RORA: variants seen among roughly 807,000 people sequenced by gnomAD.
The protein encoded by RORA is RAR related orphan receptor A.
Under a neutral mutation model 69.5 loss-of-function variants are expected in RORA, and 7 were observed. The observed-to-expected ratio is 0.10, with a 90% CI of 0.06 to 0.19. RORA has a LOEUF of 0.19. Ranked by LOEUF, RORA falls within the 10% of genes least tolerant of loss-of-function variation. The pLI, the probability that RORA is intolerant of heterozygous loss-of-function variation, is 1.00. For synonymous variants in RORA, 261 were observed against 240.8 expected, an observed-to-expected ratio of 1.08 and a Z score of -0.78; for missense variants, 457 against 663.0, an observed-to-expected ratio of 0.69 and a Z score of 3.41.
chr15:60,563,860 G>T (rs1463465370), intron 2 of RORA, among the ~76,000 whole-genome samples: 2 of 151,998 alleles, frequency 1.3e-5, no homozygotes, highest in Non-Finnish European at 2.9e-5. Context: ...GGTAGCGATG[G>T]CCTACATATT....
At chr15:60,770,766 G>T (rs899623147) in intron 1 of RORA, among the ~76,000 whole-genome samples, 1 of 152,146 alleles carries the variant, frequency 6.6e-6, no homozygotes, top group South Asian at 2.1e-4. Context: ...GAGACTACGT[G>T]AATGCTTCAC....
rs1311305574 is a variant in RORA at position 61,213,467 on chromosome 15, C to CT, written c.166+15585dup. Among the ~76,000 whole-genome samples the CT allele has an allele frequency of 6.6e-6, 1 of 152,184 alleles. No homozygotes were observed. Among genetic ancestry groups the CT allele is most frequent in the Non-Finnish European group, 1.5e-5 (1 of 68,040 alleles). ...AAATGCTTAGGCTCGCCCCTGCCTA[C>CT]TTTCTCCAACCTTATCTCCTACTCC... On this transcript the variant is annotated intron_variant, in intron 1 of 10. Coordinates refer to ENST00000335670, the MANE Select transcript of RORA (RefSeq NM_134261.3). This position sits in a 1 kb window ranked among gnomAD's most constrained non-coding sequence, Gnocchi z 4.1.
rs200743059 is a variant in RORA, at chr15:60,497,311, T to G, written c.*144A>C. 1.6e-6 allele frequency: 1 copy of G among 623,774 alleles called. No homozygotes were observed. The highest frequency in any genetic ancestry group is 1.8e-5 in the African/African-American group (1 of 54,140). The allele number at this position is 623,774 out of a possible 1,614,324, so 38.6% of individuals were successfully genotyped here. A position where few individuals can be genotyped will look rare whatever the true frequency, so the allele number is the denominator to read the frequency against. On this transcript the variant is annotated 3_prime_UTR_variant, in exon 11 of 11. Transcript: ENST00000335670. ...TATTTGTTTTCATTGTTTCCCCTCCTTTGCCTGACCCCGATCACCAAAAGA... is the reference window on the plus strand; with the variant it reads ...TATTTGTTTTCATTGTTTCCCCTCCGTTGCCTGACCCCGATCACCAAAAGA...
At position 61,128,957 on chromosome 15, in the gene RORA, G is replaced by T. The variant is rs1267830440; in HGVS notation, c.166+100096C>A. On this transcript the variant is annotated intron_variant, in intron 1 of 10. Coordinates refer to ENST00000335670, the MANE Select transcript of RORA (RefSeq NM_134261.3). The surrounding 1 kb of genome is among the most constrained non-coding windows in gnomAD (Gnocchi z 4.5). Reference sequence around the variant, plus strand: ...CTTGGGCCCACTCCCTTCTACGAGTGCCCTTAACCCTTTACAAAATAATAA... The same window carrying T: ...CTTGGGCCCACTCCCTTCTACGAGTTCCCTTAACCCTTTACAAAATAATAA... 6.6e-6 allele frequency among the ~76,000 whole-genome samples: 1 copy of T among 152,206 alleles called. No individual in the cohort carries two copies. Among genetic ancestry groups the T allele is most frequent in the Non-Finnish European group, 1.5e-5 (1 of 68,036 alleles).
rs574586990 is a variant in RORA at position 60,915,395 on chromosome 15, G to T, written c.167-236709C>A. On this transcript the variant is annotated intron_variant, in intron 1 of 10. Coordinates refer to ENST00000335670, the MANE Select transcript of RORA (RefSeq NM_134261.3). ...CAGGCAGCACTGATTCCACTGGGGGGGCACAGGCCCCAGTGCAGAGGAGGG... is the reference window on the plus strand; with the variant it reads ...CAGGCAGCACTGATTCCACTGGGGGTGCACAGGCCCCAGTGCAGAGGAGGG... 1.1e-4 allele frequency among the ~76,000 whole-genome samples: 16 copies of T among 152,340 alleles called. 1 individual carries two copies. Among genetic ancestry groups the T allele is most frequent in the African/African-American group, 3.6e-4 (15 of 41,580 alleles).
At chr15:60,685,326 G>A (rs1188709862) in intron 1 of RORA, among the ~76,000 whole-genome samples, 2 of 152,228 alleles carry the variant, frequency 1.3e-5, no homozygotes, top group Non-Finnish European at 2.9e-5. Context: ...TCCTCATTGT[G>A]AGGCGCTAGC....
chr15:61,151,986 C>G (rs986111923), intron 1 of RORA, among the ~76,000 whole-genome samples: 9 of 152,136 alleles, frequency 5.9e-5, no homozygotes, highest in African/African-American at 1.9e-4. Context: ...ATCGTTGTTC[C>G]CCTTTCTCCA....
chr15:61,019,639 C>T (rs1895434882), intron 1 of RORA, among the ~76,000 whole-genome samples: 1 of 152,110 alleles, frequency 6.6e-6, no homozygotes, highest in Non-Finnish European at 1.5e-5. Context: ...CCACTCTCAC[C>T]TTTTCCAGCA....
intron 1 of RORA, among the ~76,000 whole-genome samples, chr15:61,118,500 C>T (rs2079070219): frequency 1.3e-5 from 2 of 152,184 alleles, no homozygotes; most frequent in African/African-American, 2.4e-5. Context: ...CAGATTTTCT[C>T]ACTCTTATTT....
At chr15:60,580,513 A>C (rs75683395) in intron 2 of RORA, among the ~76,000 whole-genome samples, 2,303 of 152,296 alleles carry the variant, frequency 0.015, 65 homozygotes, top group African/African-American at 0.051. Flanking sequence ...AGTTGCCCAC[A>C]CTGGTATAGA....
chr15:60,941,202 T>C (rs116590294), intron 1 of RORA, among the ~76,000 whole-genome samples: 1,534 of 152,348 alleles, frequency 0.01, 35 homozygotes, highest in African/African-American at 0.036. Context: ...GCCTTGTCAG[T>C]TGCAGTTCAA....
At position 61,038,203 on chromosome 15, in the gene RORA, T is replaced by C. The variant is rs545409544; in HGVS notation, c.166+190850A>G. Among the ~76,000 whole-genome samples, 11 of 152,352 alleles carry C rather than the reference T, an allele frequency of 7.2e-5. No individual in the cohort carries two copies. The South Asian group carries it at 2.3e-3, about 32-fold the overall frequency. On this transcript the variant is annotated intron_variant, in intron 1 of 10. Transcript: ENST00000335670. ...GAATGGCAAGTTATCGAACGTATTA[T>C]GAACTAGTTAGCCAAAGCGCAAGTC...
chr15:60,516,978 A>G (rs1184278873), intron 3 of RORA, among the ~76,000 whole-genome samples: 1 of 152,326 alleles, frequency 6.6e-6, no homozygotes, highest in East Asian at 1.9e-4. Context: ...AACATAGTAT[A>G]ATCCAAGTTT....
intron 1 of RORA, among the ~76,000 whole-genome samples, chr15:60,876,247 A>C (rs1313126927): frequency 6.7e-6 from 1 of 150,022 alleles, no homozygotes; most frequent in Admixed American, 6.7e-5. Flanking sequence ...TCCCCCAACC[A>C]AAAAATGTGT....
At chr15:61,200,751 T>C (rs12594566) in intron 1 of RORA, among the ~76,000 whole-genome samples, 19,867 of 152,158 alleles carry the variant, frequency 0.13, 1,636 homozygotes, top group Admixed American at 0.19. Context: ...TTGTTGCACT[T>C]AATTGAGTGA....
intron 1 of RORA, among the ~76,000 whole-genome samples, chr15:60,869,216 T>C (rs2073525215): frequency 6.6e-6 from 1 of 152,206 alleles, no homozygotes; most frequent in Admixed American, 6.5e-5. Context: ...GACCTTTGTG[T>C]AAGGAGTTGT....
chr15:60,975,196 C>T (rs1430548850), intron 1 of RORA, among the ~76,000 whole-genome samples: 1 of 152,156 alleles, frequency 6.6e-6, no homozygotes, highest in Non-Finnish European at 1.5e-5. Context: ...GCTGCTGCAC[C>T]TAGCAGGGCT....
chr15:60,902,895 C>T (rs764782896), intron 1 of RORA, among the ~76,000 whole-genome samples: 1 of 152,206 alleles, frequency 6.6e-6, no homozygotes, highest in East Asian at 1.9e-4. Flanking sequence ...TAGGGGCGTA[C>T]TCCGCTGAAA....
intron 1 of RORA, among the ~76,000 whole-genome samples, chr15:60,886,418 G>A (rs1301741026): frequency 1.3e-5 from 2 of 152,166 alleles, no homozygotes; most frequent in Non-Finnish European, 2.9e-5. Context: ...GCTATACACT[G>A]CAACGTCTTT....
Sources: allele counts gnomAD v4.1 joint callset (sites outside exome capture counted in the v4.1 genomes callset), GRCh38; gene constraint gnomAD v4.1.1; non-coding constraint Gnocchi (gnomAD v3.1); transcripts MANE v1.5; gene names NCBI Gene and HGNC (gene_info 2026-07-23, HGNC 2026-07-21).